Variants in RGS9 observed in about 807,000 individuals in gnomAD.
The protein encoded by RGS9 is regulator of G-protein signalling 9.
A neutral mutation model predicts 102.0 loss-of-function variants in RGS9; 78 were observed. The ratio of observed to expected loss-of-function variants is 0.76; its 90% CI spans 0.64 to 0.92. RGS9 has a LOEUF of 0.92. Ranked by LOEUF, RGS9 falls within the 40% of genes least tolerant of loss-of-function variation. The pLI is 0.00. For synonymous variants in RGS9, 353 were observed against 318.6 expected (o/e 1.11, Z -1.15); for missense variants, 833 against 866.1 (o/e 0.96, Z 0.48).
intron 17 of RGS9, among the ~76,000 whole-genome samples, chr17:65,211,531 G>A (rs902608092): frequency 6.6e-6 from 1 of 152,172 alleles, no homozygotes; most frequent in Admixed American, 6.5e-5. Flanking sequence ...ACATTTTCTA[G>A]ATGTTGATTC....
chr17:65,186,981 C>T (rs1176047994), intron 9 of RGS9, among the ~76,000 whole-genome samples: 1 of 152,156 alleles, frequency 6.6e-6, no homozygotes, highest in East Asian at 1.9e-4. Flanking sequence ...AATGTAAGTC[C>T]ACTCTGGCCC....
At chr17:65,190,474 T>A (rs1912326964) in intron 11 of RGS9, among the ~76,000 whole-genome samples, 1 of 152,188 alleles carries the variant, frequency 6.6e-6, no homozygotes, top group Admixed American at 6.5e-5. Flanking sequence ...ACTGTTATGT[T>A]TCTTGGAATC....
intron 1 of RGS9, among the ~76,000 whole-genome samples, 194 bp downstream of exon 1, chr17:65,137,791 C>T (rs1406799626): frequency 6.6e-6 from 1 of 152,216 alleles, no homozygotes; most frequent in Non-Finnish European, 1.5e-5. Context: ...TGTGCCCTGC[C>T]TGTAGTGGAG....
At chr17:65,148,026 C>G (rs766767806) in intron 1 of RGS9, among the ~76,000 whole-genome samples, 11 of 152,172 alleles carry the variant, frequency 7.2e-5, no homozygotes, top group Non-Finnish European at 1.0e-4. Flanking sequence ...ATGTATTCAT[C>G]TCATTTAACT....
At chr17:65,196,149 G>A (rs994073755) in intron 12 of RGS9, among the ~76,000 whole-genome samples, 2 of 152,254 alleles carry the variant, frequency 1.3e-5, no homozygotes, top group African/African-American at 4.8e-5. Flanking sequence ...TCAATTCATA[G>A]TGTTCTTTTA....
At chr17:65,188,864 C>T (rs921140196) in intron 9 of RGS9, 6 of 212,360 alleles carry the variant, frequency 2.8e-5, no homozygotes, top group Admixed American at 5.3e-5. Flanking sequence ...ATCCTCCCTC[C>T]TCGGCCTCCC....
At chr17:65,213,594 A>C (rs1384640784) in intron 17 of RGS9, among the ~76,000 whole-genome samples, 2 of 151,908 alleles carry the variant, frequency 1.3e-5, no homozygotes, top group Non-Finnish European at 2.9e-5. Flanking sequence ...TGGTGTGGGC[A>C]TCGCATGCAT....
chr17:65,183,061 A>AATCTACCTATCTATCT (rs55918557), intron 9 of RGS9, among the ~76,000 whole-genome samples: 3 of 114,390 alleles, frequency 2.6e-5, no homozygotes, highest in African/African-American at 6.0e-5. Flanking sequence ...AATTTTTTTA[A>AATCTACCTATCTATCT]ATCTATCTAT....
intron 17 of RGS9, among the ~76,000 whole-genome samples, chr17:65,214,114 A>G (rs1913405814): frequency 6.6e-6 from 1 of 152,118 alleles, no homozygotes; most frequent in Admixed American, 6.5e-5. Context: ...GGTGTGCGCC[A>G]CCAGGCTTGG....
intron 15 of RGS9, 107 bp from the exon 16 acceptor site, chr17:65,207,815 A>T: frequency 1.3e-6 from 1 of 770,762 alleles, no homozygotes; most frequent in Non-Finnish European, 2.2e-6. Flanking sequence ...AAATTCTCAT[A>T]ACTTTTCCAT....
rs1909947022 is a variant in RGS9 at position 65,137,420 on chromosome 17, G to T, written c.-121G>T. ...GGGGGGCCCGGCCCGCGCCCTCCCC[G>T]CCCAGCCGCCTCCCCGTCGACGCCC... On this transcript the variant is annotated 5_prime_UTR_variant, in exon 1 of 19. Transcript: ENST00000262406. 2 of 1,002,724 alleles carry T rather than the reference G, an allele frequency of 2.0e-6. No individual in the cohort carries two copies. The highest frequency in any genetic ancestry group is 3.0e-4 in the Middle Eastern group (1 of 3,290). 62.1% of individuals were successfully genotyped at this position (1,002,724 alleles called of 1,614,324 possible).
At chr17:65,209,540 T>G (rs568607596) in intron 16 of RGS9, among the ~76,000 whole-genome samples, 7 of 152,354 alleles carry the variant, frequency 4.6e-5, no homozygotes, top group Admixed American at 4.6e-4. Flanking sequence ...CACTGCCCAC[T>G]ACATCACTTG....
rs145254090 is a variant in RGS9, at chr17:65,167,867, G to A, written c.501-333G>A. 5.1e-3 allele frequency among the ~76,000 whole-genome samples: 783 copies of A among 152,304 alleles called. 4 individuals are homozygous for A. Among genetic ancestry groups the A allele is most frequent in the African/African-American group, 0.018 (745 of 41,566 alleles). ...TTAGACCCTGGCCAGACTCCCAAGT[G>A]CAAGTGCCACTTCTGCCAATTGCTA... On this transcript the variant is annotated intron_variant, in intron 7 of 18. Transcript: ENST00000262406.
rs1391883673 is a variant in RGS9 at position 65,153,463 on chromosome 17, G to A, written c.99G>A (p.Gly33=). The A allele has an allele frequency of 6.2e-6, 10 of 1,614,088 alleles. No individual in the cohort carries two copies. The Admixed American group carries it at 6.7e-5, about 11-fold the overall frequency. Residue 33 remains glycine, a synonymous_variant, in exon 2 of 19, where the codon GGG becomes GGA. Transcript: ENST00000262406. ...LVKDMQNPET[G]VRMQNQRVLV... ...AGGACATGCAGAACCCAGAGACAGGGGTCCGAATGCAGAACCAGAGGGTCC... is the reference window on the plus strand; with the variant it reads ...AGGACATGCAGAACCCAGAGACAGGAGTCCGAATGCAGAACCAGAGGGTCC...
intron 17 of RGS9, among the ~76,000 whole-genome samples, chr17:65,215,489 GTTCTTTCGTTCTTTCTTTCTTTCT>G (rs1260212147): frequency 1.1e-3 from 130 of 116,188 alleles, no homozygotes; most frequent in African/African-American, 3.8e-3. Flanking sequence ...TCTTTCTTTC[GTTCTTTCGTTCTTTCTTTCTTTCT>G]TTCTTTCTTT....
In RGS9 at chr17:65,203,209, T is replaced by C. The variant is rs149564148; in HGVS notation, c.1065-954T>C. 5.3e-5 allele frequency among the ~76,000 whole-genome samples: 8 copies of C among 152,220 alleles called. No homozygotes were observed. The East Asian group carries it at 7.7e-4, about 15-fold the overall frequency. On this transcript the variant is annotated intron_variant, in intron 14 of 18. Transcript: ENST00000262406. ...ACTTCTTCTTATACTTAGAGGTTCA[T>C]ACACTCTATTGCAAATTTGCCCAGC...
At chr17:65,153,971 T>C (rs1234176405) in intron 2 of RGS9, among the ~76,000 whole-genome samples, 1 of 152,156 alleles carries the variant, frequency 6.6e-6, no homozygotes, top group Non-Finnish European at 1.5e-5. Context: ...CTCATTTATG[T>C]ATTGTCTATG....
At chr17:65,159,227 A>C (rs1598570073) in intron 3 of RGS9, among the ~76,000 whole-genome samples, 1 of 137,672 alleles carries the variant, frequency 7.3e-6, no homozygotes, top group Admixed American at 7.6e-5. Context: ...AAACAGCCCC[A>C]CCCCTATCTC....
intron 16 of RGS9, among the ~76,000 whole-genome samples, chr17:65,209,815 C>T (rs375923951): frequency 3.0e-4 from 46 of 152,304 alleles, no homozygotes; most frequent in South Asian, 1.2e-3. Context: ...CAGTGACTCA[C>T]GCCTGTAATC....
Sources: gnomAD v4.1 joint callset for allele counts (sites outside exome capture counted in the v4.1 genomes callset) on GRCh38, gnomAD v4.1.1 for gene constraint, MANE v1.5 for transcripts, NCBI Gene and HGNC (gene_info 2026-07-23, HGNC 2026-07-21) for gene names.